MTMR7: variants seen among roughly 807,000 people sequenced by gnomAD.
MTMR7 encodes the protein myotubularin related protein 7.
Under a neutral mutation model 81.2 loss-of-function variants are expected in MTMR7, and 76 were observed. That is an observed-to-expected ratio of 0.94 (90% CI 0.78 to 1.13). The LOEUF (loss-of-function observed/expected upper bound fraction) is 1.13. Ranked by LOEUF, MTMR7 falls within the 50% of genes most tolerant of loss-of-function variation. MTMR7 has a pLI of 0.00. For missense variants in MTMR7, 1,044 were observed against 820.0 expected, an observed-to-expected ratio of 1.27 and a Z score of -3.34; for synonymous variants, 372 against 289.8, an observed-to-expected ratio of 1.28 and a Z score of -2.88.
chr8:17,302,061 T>C (rs757609561), intron 13 of MTMR7, 93 bp downstream of exon 13: 1 of 1,512,088 alleles, frequency 6.6e-7, no homozygotes, highest in Non-Finnish European at 9.1e-7. Flanking sequence ...TGTGAAATAT[T>C]TGTATTGCAC....
chr8:17,322,832 A>C (rs1447512706), intron 7 of MTMR7, among the ~76,000 whole-genome samples: 1 of 152,124 alleles, frequency 6.6e-6, no homozygotes, highest in African/African-American at 2.4e-5. Flanking sequence ...CTCTTATTTT[A>C]AAAATATATG....
intron 7 of MTMR7, among the ~76,000 whole-genome samples, chr8:17,318,792 C>T (rs1818235541): frequency 6.6e-6 from 1 of 152,192 alleles, no homozygotes; most frequent in Non-Finnish European, 1.5e-5. Flanking sequence ...GTTCTGTGCC[C>T]CCCAGGGACA....
At chr8:17,393,595 G>A (rs917822959) in intron 1 of MTMR7, among the ~76,000 whole-genome samples, 11 of 152,082 alleles carry the variant, frequency 7.2e-5, no homozygotes, top group Admixed American at 6.6e-4. Flanking sequence ...AACAAATGCA[G>A]GAACAGAAAA....
chr8:17,406,969 G>A (rs1202777779), intron 1 of MTMR7, among the ~76,000 whole-genome samples: 1 of 152,114 alleles, frequency 6.6e-6, no homozygotes, highest in Non-Finnish European at 1.5e-5. Flanking sequence ...GGGAGAAATG[G>A]AGACTGAATG....
Position 17,348,999 on chromosome 8 carries a change from C to T in MTMR7, c.551G>A (p.Ser184Asn). ...HIIVGSSKFR[S>N]RRRFPVLSYY... ...AGAAAGGACAGGAAATCGCCGTCTACTCCGGAATTTGGAACTCCCCACTAT... is the reference window on the plus strand; with the variant it reads ...AGAAAGGACAGGAAATCGCCGTCTATTCCGGAATTTGGAACTCCCCACTAT... The change falls in exon 5 of 14, where the codon AGT (serine) becomes AAT (asparagine). Residue 184 changes from serine to asparagine, a missense_variant. Physicochemically the swap from Ser to Asn is conservative, Grantham distance 46. Transcript: ENST00000180173. 6.2e-7 allele frequency: 1 copy of T among 1,613,506 alleles called. No individual in the cohort carries two copies. The highest frequency in any genetic ancestry group is 8.5e-7 in the Non-Finnish European group (1 of 1,179,958).
intron 1 of MTMR7, among the ~76,000 whole-genome samples, chr8:17,376,796 T>G (rs1159665814): frequency 6.6e-6 from 1 of 152,170 alleles, no homozygotes; most frequent in African/African-American, 2.4e-5. Context: ...TAATCCTAGT[T>G]TACTAAGAGT....
chr8:17,349,101 A>G lies in MTMR7; in HGVS notation c.469-20T>C. 1 of 1,609,410 alleles carries G rather than the reference A, an allele frequency of 6.2e-7. No individual in the cohort carries two copies. Among genetic ancestry groups the G allele is most frequent in the South Asian group, 1.1e-5 (1 of 90,672 alleles). On this transcript the variant is annotated intron_variant, in intron 4 of 13. Coordinates refer to ENST00000180173, the MANE Select transcript of MTMR7 (RefSeq NM_004686.5). ...ACAGACCTGTCACCAGAAAATACAA[A>G]GAGATTTTTAGGCCATCTAGTAATG...
chr8:17,389,922 C>A (rs921811118), intron 1 of MTMR7, among the ~76,000 whole-genome samples: 9 of 152,044 alleles, frequency 5.9e-5, no homozygotes, highest in Admixed American at 3.3e-4. Flanking sequence ...TCCATTCATA[C>A]AACAAATATT....
intron 11 of MTMR7, among the ~76,000 whole-genome samples, chr8:17,304,808 T>G (rs183972104): frequency 1.4e-5 from 2 of 147,728 alleles, no homozygotes; most frequent in African/African-American, 5.2e-5. Flanking sequence ...CCCCAAATAG[T>G]CATTGGACAT....
At chr8:17,346,799 C>CAA (rs34036522) in intron 5 of MTMR7, among the ~76,000 whole-genome samples, 3 of 111,116 alleles carry the variant, frequency 2.7e-5, no homozygotes, top group Non-Finnish European at 5.3e-5. Flanking sequence ...ATGGATGCTA[C>CAA]AAAAAAAAAA....
intron 3 of MTMR7, among the ~76,000 whole-genome samples, chr8:17,367,185 A>AT (rs1277739794): frequency 4.6e-5 from 7 of 152,174 alleles, no homozygotes; most frequent in Non-Finnish European, 7.3e-5. Context: ...CAATCATGAG[A>AT]TTTTTTCTAA....
At chr8:17,373,322 C>T (rs947782027) in intron 1 of MTMR7, 82 bp from the exon 2 acceptor site, 20 of 1,462,004 alleles carry the variant, frequency 1.4e-5, no homozygotes, top group Admixed American at 6.9e-5. Context: ...GGTAAACTCA[C>T]ACTTACTCCA....
chr8:17,397,829 G>T (rs1821308113), intron 1 of MTMR7, among the ~76,000 whole-genome samples: 1 of 152,130 alleles, frequency 6.6e-6, no homozygotes, highest in South Asian at 2.1e-4. Flanking sequence ...GTGGCCACAG[G>T]GGTACTTGTG....
chr8:17,348,944 G>C lies in MTMR7; in HGVS notation c.597+9C>G. 1 of 1,613,544 alleles carries C rather than the reference G, an allele frequency of 6.2e-7. No individual in the cohort carries two copies. Among genetic ancestry groups the C allele is most frequent in the Non-Finnish European group, 8.5e-7 (1 of 1,179,874 alleles). Reference sequence around the variant, plus strand: ...AAAGTGTAAAACAAAAACACGCCTCGAGACTTACGTGGTTATCTTTATAAT... The same window carrying C: ...AAAGTGTAAAACAAAAACACGCCTCCAGACTTACGTGGTTATCTTTATAAT... On this transcript the variant is annotated intron_variant, in intron 5 of 13. Coordinates refer to ENST00000180173, the MANE Select transcript of MTMR7 (RefSeq NM_004686.5).
intron 1 of MTMR7, among the ~76,000 whole-genome samples, chr8:17,395,896 G>A (rs111847418): frequency 4.6e-5 from 7 of 152,174 alleles, no homozygotes; most frequent in Non-Finnish European, 8.8e-5. Context: ...CATTACAAAG[G>A]AGCCATCCAG....
At chr8:17,372,954 T>A (rs1585101170) in intron 2 of MTMR7, 164 bp downstream of exon 2, 1 of 716,052 alleles carries the variant, frequency 1.4e-6, no homozygotes, top group Non-Finnish European at 2.2e-6. Context: ...ATCAAGTAGA[T>A]ACGACTGCAC....
intron 1 of MTMR7, among the ~76,000 whole-genome samples, chr8:17,376,231 T>C (rs997466481): frequency 2.0e-5 from 3 of 152,224 alleles, no homozygotes; most frequent in African/African-American, 7.2e-5. Context: ...TCAATCTACG[T>C]TTCAATCCAA....
chr8:17,374,287 A>G (rs972158504), intron 1 of MTMR7, among the ~76,000 whole-genome samples: 2 of 152,190 alleles, frequency 1.3e-5, no homozygotes, highest in African/African-American at 4.8e-5. Flanking sequence ...GGAGTTCAAG[A>G]CCAGCCTGGC....
At chr8:17,386,495 G>A (rs773021099) in intron 1 of MTMR7, among the ~76,000 whole-genome samples, 9 of 152,228 alleles carry the variant, frequency 5.9e-5, no homozygotes, top group Non-Finnish European at 1.3e-4. Context: ...CATATGGCTT[G>A]AGCCAAAAGG....
Sources: allele counts gnomAD v4.1 joint callset (sites outside exome capture counted in the v4.1 genomes callset), GRCh38; gene constraint gnomAD v4.1.1; transcripts MANE v1.5; gene names NCBI Gene and HGNC (gene_info 2026-07-23, HGNC 2026-07-21).